The following DDX10 variants were observed in gnomAD, a reference collection of about 807,000 sequenced individuals.
DDX10 encodes the protein DEAD-box helicase 10.
DDX10 carries 74 observed loss-of-function variants against 104.3 expected under a neutral mutation model. The observed-to-expected ratio is 0.71, with a 90% CI of 0.59 to 0.86. DDX10 has a LOEUF of 0.86. DDX10 is among the 40% of genes least tolerant of loss of function. DDX10 has a pLI of 0.00. For missense variants in DDX10, 952 were observed against 1,040.0 expected (o/e 0.92, Z 1.16); for synonymous variants, 351 against 353.4 (o/e 0.99, Z 0.08).
Position 108,812,838 on chromosome 11 carries a change from C to T in DDX10, c.1966-25608C>T, listed in dbSNP as rs567577646. Among the ~76,000 whole-genome samples the T allele has an allele frequency of 6.6e-5, 10 of 151,688 alleles. No individual in the cohort carries two copies. In the South Asian group the frequency reaches 1.5e-3, roughly 22 times the overall value. On this transcript the variant is annotated intron_variant, in intron 13 of 17. Transcript: ENST00000322536. Reference sequence around the variant, plus strand: ...TTTTACTGAAACTACAAGAATTAGCCGGGCATGGTGGCACATGTCTGTAAT... The same window carrying T: ...TTTTACTGAAACTACAAGAATTAGCTGGGCATGGTGGCACATGTCTGTAAT...
At chr11:108,714,573 T>A (rs747545643) in intron 10 of DDX10, among the ~76,000 whole-genome samples, 3 of 151,558 alleles carry the variant, frequency 2.0e-5, no homozygotes, top group Non-Finnish European at 4.4e-5. Flanking sequence ...TTCTGAAGAC[T>A]ATTAGTGGAG....
chr11:108,898,736 C>G (rs183676812), intron 16 of DDX10, among the ~76,000 whole-genome samples: 1 of 151,754 alleles, frequency 6.6e-6, no homozygotes, highest in African/African-American at 2.4e-5. Flanking sequence ...GGGAGCCTGA[C>G]TGGTAAGAAA....
intron 13 of DDX10, among the ~76,000 whole-genome samples, chr11:108,833,957 T>C (rs1356997795): frequency 6.6e-6 from 1 of 152,062 alleles, no homozygotes; most frequent in Admixed American, 6.6e-5. Flanking sequence ...TTTCTCTCTG[T>C]CTTTCTTTGC....
intron 9 of DDX10, among the ~76,000 whole-genome samples, chr11:108,702,362 A>G (rs560101298): frequency 6.6e-6 from 1 of 152,298 alleles, no homozygotes; most frequent in South Asian, 2.1e-4. Flanking sequence ...ATTGTTCTAA[A>G]TAAACTTTTT....
At chr11:108,718,279 A>G (rs1210715327) in intron 11 of DDX10, among the ~76,000 whole-genome samples, 2 of 152,220 alleles carry the variant, frequency 1.3e-5, no homozygotes, top group Admixed American at 1.3e-4. Context: ...AATTAATTCC[A>G]AAATATGAGA....
chr11:108,823,916 T>C (rs562415543), intron 13 of DDX10, among the ~76,000 whole-genome samples: 1 of 152,340 alleles, frequency 6.6e-6, no homozygotes, highest in African/African-American at 2.4e-5. Flanking sequence ...ATCTAGCTAC[T>C]GGCACATTCT....
chr11:108,750,010 C>A (rs918628224), intron 13 of DDX10, among the ~76,000 whole-genome samples: 1 of 152,028 alleles, frequency 6.6e-6, no homozygotes, highest in African/African-American at 2.4e-5. Context: ...ATGATCAAAG[C>A]TAAAATTAAA....
chr11:108,809,671 C>T (rs914820366), intron 13 of DDX10, among the ~76,000 whole-genome samples: 3 of 152,138 alleles, frequency 2.0e-5, no homozygotes, highest in African/African-American at 7.2e-5. Context: ...GAGACACAGA[C>T]GTGATGAAGT....
chr11:108,795,203 G>A (rs913856755), intron 13 of DDX10, among the ~76,000 whole-genome samples: 2 of 149,478 alleles, frequency 1.3e-5, no homozygotes, highest in Non-Finnish European at 3.0e-5. Context: ...GATTTGGGAG[G>A]TATTTCTGCT....
intron 16 of DDX10, among the ~76,000 whole-genome samples, chr11:108,868,756 T>TA (rs1385472854): frequency 2.0e-5 from 3 of 152,134 alleles, no homozygotes; most frequent in Non-Finnish European, 4.4e-5. Context: ...GTTGCTAACA[T>TA]AACTATGTCT....
At chr11:108,686,726 G>C (rs1045677553) in intron 6 of DDX10, among the ~76,000 whole-genome samples, 4 of 152,170 alleles carry the variant, frequency 2.6e-5, no homozygotes, top group Non-Finnish European at 5.9e-5. Flanking sequence ...TCTTTGTGTG[G>C]ACGTATGTTT....
intron 17 of DDX10, among the ~76,000 whole-genome samples, chr11:108,933,846 T>G (rs1336954815): frequency 6.6e-6 from 1 of 152,218 alleles, no homozygotes; most frequent in African/African-American, 2.4e-5. Flanking sequence ...TGACATACAG[T>G]AGGCCAGTCA....
intron 13 of DDX10, among the ~76,000 whole-genome samples, chr11:108,818,156 A>G (rs1271588092): frequency 6.6e-6 from 1 of 152,210 alleles, no homozygotes; most frequent in Non-Finnish European, 1.5e-5. Context: ...ACCAGTGGAC[A>G]TGCATGCTTC....
intron 16 of DDX10, among the ~76,000 whole-genome samples, chr11:108,914,678 C>G (rs1863722946): frequency 6.6e-6 from 1 of 152,006 alleles, no homozygotes; most frequent in South Asian, 2.1e-4. Context: ...AGAGTGTGAT[C>G]TATACCCCAA....
intron 13 of DDX10, among the ~76,000 whole-genome samples, chr11:108,745,158 T>C (rs1591807481): frequency 9.6e-6 from 1 of 103,958 alleles, no homozygotes; most frequent in African/African-American, 3.4e-5. Context: ...CTCACTCCCC[T>C]TTCTTCCCTT....
intron 16 of DDX10, among the ~76,000 whole-genome samples, chr11:108,902,243 G>A (rs1421151295): frequency 2.0e-5 from 3 of 150,338 alleles, no homozygotes; most frequent in African/African-American, 5.0e-5. Context: ...CTAAACAGCA[G>A]CATAAATCAA....
chr11:108,858,910 C>T lies in DDX10; in HGVS notation c.2304+6701C>T, dbSNP rs575223992. Among the ~76,000 whole-genome samples the T allele has an allele frequency of 3.9e-5, 6 of 152,234 alleles. No homozygotes were observed. In the East Asian group the frequency reaches 9.7e-4, roughly 24 times the overall value. ...TGCCTGTCAGCTTTGGAACTGAATGCCCATGGAAGTTGTGACTTCATTCTG... is the reference window on the plus strand; with the variant it reads ...TGCCTGTCAGCTTTGGAACTGAATGTCCATGGAAGTTGTGACTTCATTCTG... On this transcript the variant is annotated intron_variant, in intron 16 of 17. Coordinates refer to ENST00000322536, the MANE Select transcript of DDX10 (RefSeq NM_004398.4).
At chr11:108,843,699 T>C (rs560484653) in intron 15 of DDX10, among the ~76,000 whole-genome samples, 207 of 151,038 alleles carry the variant, frequency 1.4e-3, no homozygotes, top group Non-Finnish European at 2.3e-3. Context: ...GAGGTTGCAG[T>C]GAGCCGAGGT....
intron 13 of DDX10, among the ~76,000 whole-genome samples, chr11:108,801,820 G>A (rs2726876): frequency 0.88 from 133,943 of 152,198 alleles, 59,314 homozygotes; most frequent in East Asian, 0.99. Flanking sequence ...CACAATTAAT[G>A]GTAGAATGAT....
Sources: allele counts gnomAD v4.1 joint callset (sites outside exome capture counted in the v4.1 genomes callset), GRCh38; gene constraint gnomAD v4.1.1; transcripts MANE v1.5; gene names NCBI Gene and HGNC (gene_info 2026-07-23, HGNC 2026-07-21).